PTPRD: variants seen among roughly 807,000 people sequenced by gnomAD.
The protein encoded by PTPRD is protein tyrosine phosphatase receptor type D.
Under a neutral mutation model 214.5 loss-of-function variants are expected in PTPRD, and 34 were observed. The ratio of observed to expected loss-of-function variants is 0.16; its 90% CI spans 0.12 to 0.21. The LOEUF is 0.21. PTPRD is among the 10% of genes least tolerant of loss of function. The probability of loss-of-function intolerance (pLI) is 1.00; values close to 1 mark genes in which losing one functional copy is unlikely to be tolerated. For missense variants in PTPRD, 2,545 were observed against 2,398.7 expected, an observed-to-expected ratio of 1.06 and a Z score of -1.27; for synonymous variants, 1,128 against 845.7, an observed-to-expected ratio of 1.33 and a Z score of -5.79.
rs139846216 is a variant in PTPRD, at chr9:8,813,668, G to A, written c.-103-79722C>T. Among the ~76,000 whole-genome samples, 108 of 152,248 alleles carry A rather than the reference G, an allele frequency of 7.1e-4. 1 individual carries two copies. The highest frequency in any genetic ancestry group is 2.2e-3 in the African/African-American group (93 of 41,538). On this transcript the variant is annotated intron_variant, in intron 11 of 45. Transcript: ENST00000381196. ...GATTACAGGTACGAGCCACCGCGCC[G>A]GGCCTTCCTCCTCTCTCCTTTCATG...
intron 9 of PTPRD, among the ~76,000 whole-genome samples, chr9:9,353,340 G>C (rs1238750305): frequency 6.6e-6 from 1 of 151,872 alleles, no homozygotes; most frequent in Non-Finnish European, 1.5e-5. Context: ...TAGAGCAACA[G>C]AACTATTGAA....
chr9:8,546,057 T>C (rs2080046013), intron 14 of PTPRD, among the ~76,000 whole-genome samples: 1 of 152,220 alleles, frequency 6.6e-6, no homozygotes, highest in Non-Finnish European at 1.5e-5. Context: ...TGGTAACATC[T>C]GAGATGCTTC....
chr9:8,414,892 A>C (rs2093789006), intron 35 of PTPRD, among the ~76,000 whole-genome samples: 1 of 94,196 alleles, frequency 1.1e-5, no homozygotes, highest in Admixed American at 1.3e-4. Context: ...GGAGGGAGGG[A>C]GAGAGGGATG....
chr9:10,425,811 C>T (rs907081680), intron 2 of PTPRD, among the ~76,000 whole-genome samples: 3 of 151,854 alleles, frequency 2.0e-5, no homozygotes, highest in Admixed American at 1.3e-4. Context: ...AGCAGGCTGA[C>T]TCAATTATTA....
chr9:9,312,235 A>G (rs1314448009), intron 9 of PTPRD, among the ~76,000 whole-genome samples: 2 of 152,200 alleles, frequency 1.3e-5, no homozygotes, highest in Non-Finnish European at 2.9e-5. Flanking sequence ...GAAGTTCAGA[A>G]AGATTAAATA....
In PTPRD at chr9:9,121,614, T is replaced by C. The variant is rs1432088874; in HGVS notation, c.-143+61690A>G. On this transcript the variant is annotated intron_variant, in intron 10 of 45. Transcript: ENST00000381196. ...TATGTTCTCACTGATTTGTGGGAGC[T>C]AAGCTATGAGGACGCAGAAGCCTAA... Among the ~76,000 whole-genome samples, 5 of 152,146 alleles carry C rather than the reference T, an allele frequency of 3.3e-5. No individual in the cohort carries two copies. The Middle Eastern group carries it at 0.01, about 311-fold the overall frequency.
At chr9:9,255,168 T>A (rs4742579) in intron 9 of PTPRD, among the ~76,000 whole-genome samples, 132,816 of 152,062 alleles carry the variant, frequency 0.87, 58,667 homozygotes, top group Non-Finnish European at 0.94. Context: ...CTGTAGTTCA[T>A]TGCCACTGGA....
intron 10 of PTPRD, among the ~76,000 whole-genome samples, chr9:9,031,563 C>T (rs382364): frequency 0.3 from 44,969 of 151,778 alleles, 6,975 homozygotes; most frequent in Middle Eastern, 0.39. Flanking sequence ...GTGACTATGA[C>T]ATTAGGAGAG....
At chr9:10,015,241 C>T (rs2096679953) in intron 4 of PTPRD, among the ~76,000 whole-genome samples, 1 of 152,114 alleles carries the variant, frequency 6.6e-6, no homozygotes, top group Non-Finnish European at 1.5e-5. Flanking sequence ...GTTTAGCTAA[C>T]AATGCCGCTA....
At position 9,923,249 on chromosome 9, in the gene PTPRD, GT is replaced by G. The variant is rs34163446; in HGVS notation, c.-368+15257del. ...GTATATTTTTACACCCTTTCTGTTA[GT>G]TTTTTTTTTCAAATAAAATATTGTA... On this transcript the variant is annotated intron_variant, in intron 5 of 45. Coordinates refer to ENST00000381196, the MANE Select transcript of PTPRD (RefSeq NM_002839.4). 1.0e-3 allele frequency among the ~76,000 whole-genome samples: 147 copies of G among 145,932 alleles called. 1 individual carries two copies. The highest frequency in any genetic ancestry group is 3.4e-3 in the Middle Eastern group (1 of 290).
chr9:8,529,016 G>C (rs563596893), intron 14 of PTPRD, among the ~76,000 whole-genome samples: 170 of 152,192 alleles, frequency 1.1e-3, no homozygotes, highest in Middle Eastern at 0.01. Context: ...ATGATGAGGG[G>C]ATGCAGTGAG....
At chr9:9,180,250 T>C (rs538419509) in intron 10 of PTPRD, among the ~76,000 whole-genome samples, 2 of 152,016 alleles carry the variant, frequency 1.3e-5, no homozygotes, top group South Asian at 2.1e-4. Flanking sequence ...GTATACACCA[T>C]GGAATACTAT....
chr9:9,820,305 C>A (rs1332459095), intron 5 of PTPRD, among the ~76,000 whole-genome samples: 2 of 151,902 alleles, frequency 1.3e-5, no homozygotes, highest in Non-Finnish European at 2.9e-5. Context: ...AGTGTCTGTT[C>A]TTATATTTTG....
At chr9:10,566,004 G>C (rs375275536) in intron 2 of PTPRD, among the ~76,000 whole-genome samples, 1 of 151,846 alleles carries the variant, frequency 6.6e-6, no homozygotes, top group Non-Finnish European at 1.5e-5. Flanking sequence ...GTATAAGGTT[G>C]TCTATTTTTG....
At chr9:8,692,506 G>C (rs1475339267) in intron 12 of PTPRD, among the ~76,000 whole-genome samples, 5 of 152,104 alleles carry the variant, frequency 3.3e-5, no homozygotes, top group African/African-American at 9.7e-5. Context: ...TCCTAGCTGA[G>C]AATTTGATTT....
intron 2 of PTPRD, among the ~76,000 whole-genome samples, chr9:10,586,788 T>C (rs2074025515): frequency 7.4e-6 from 1 of 134,310 alleles, no homozygotes; most frequent in African/African-American, 3.4e-5. Context: ...TAGACAACTT[T>C]TTTTTTTTTT....
At chr9:9,507,379 G>T (rs930743106) in intron 8 of PTPRD, among the ~76,000 whole-genome samples, 5 of 151,080 alleles carry the variant, frequency 3.3e-5, no homozygotes, top group Non-Finnish European at 4.4e-5. Flanking sequence ...TACTTTCTTG[G>T]ATTGTCTGAA....
At chr9:8,954,034 A>G (rs964319253) in intron 11 of PTPRD, among the ~76,000 whole-genome samples, 4 of 152,066 alleles carry the variant, frequency 2.6e-5, no homozygotes, top group African/African-American at 7.2e-5. Flanking sequence ...CCAAAAGGAC[A>G]CATGCACTCA....
At chr9:10,217,559 A>G (rs950862176) in intron 3 of PTPRD, among the ~76,000 whole-genome samples, 1 of 151,926 alleles carries the variant, frequency 6.6e-6, no homozygotes, top group Admixed American at 6.6e-5. Context: ...AAAATATTCT[A>G]CTGTAGGAGG....
Sources: gnomAD v4.1 joint callset for allele counts (sites outside exome capture counted in the v4.1 genomes callset) on GRCh38, gnomAD v4.1.1 for gene constraint, MANE v1.5 for transcripts, NCBI Gene and HGNC (gene_info 2026-07-23, HGNC 2026-07-21) for gene names.